Variants in RALGPS1 observed in about 807,000 individuals in gnomAD.
RALGPS1 encodes ras-specific guanine nucleotide-releasing factor RalGPS1.
Under a neutral mutation model 78.8 loss-of-function variants are expected in RALGPS1, and 19 were observed. The ratio of observed to expected loss-of-function variants is 0.24; its 90% CI spans 0.17 to 0.35. The LOEUF (loss-of-function observed/expected upper bound fraction) is 0.35, where lower values mean the gene tolerates loss of function less well. Among genes scored for constraint, RALGPS1 ranks in the 10% least tolerant of loss-of-function variants. The pLI is 1.00. For synonymous variants in RALGPS1, 228 were observed against 256.3 expected (o/e 0.89, Z 1.06); for missense variants, 454 against 688.3 (o/e 0.66, Z 3.81).
At chr9:127,078,289 C>T (rs1211706745) in intron 8 of RALGPS1, among the ~76,000 whole-genome samples, 1 of 152,104 alleles carries the variant, frequency 6.6e-6, no homozygotes, top group Non-Finnish European at 1.5e-5. Flanking sequence ...TTGCAATCTC[C>T]GGATTTGTTA....
intron 4 of RALGPS1, among the ~76,000 whole-genome samples, chr9:127,012,743 G>A (rs1209332126): frequency 6.6e-6 from 1 of 152,196 alleles, no homozygotes. Context: ...AATGTAATTA[G>A]AGGATAATTC....
intron 4 of RALGPS1, among the ~76,000 whole-genome samples, chr9:127,002,689 A>G (rs1443036972): frequency 3.4e-5 from 5 of 147,876 alleles, no homozygotes; most frequent in Admixed American, 2.8e-4. Context: ...GAGCGAGAAT[A>G]TGTGGTGTTT....
At position 127,081,638 on chromosome 9, in the gene RALGPS1, G is replaced by A. The variant is rs112408371; in HGVS notation, c.610+12282G>A. On this transcript the variant is annotated intron_variant, in intron 8 of 18. Transcript: ENST00000259351. ...TCCCTCCACATTAACTATCCTTCTA[G>A]GCTCTGGGCCATTCCCAGCTCTGTT... Among the ~76,000 whole-genome samples, 695 of 152,356 alleles carry A rather than the reference G, an allele frequency of 4.6e-3. 5 individuals are homozygous for A. Among genetic ancestry groups the A allele is most frequent in the African/African-American group, 0.016 (653 of 41,588 alleles).
intron 8 of RALGPS1, among the ~76,000 whole-genome samples, chr9:127,147,683 G>C (rs1291076190): frequency 6.6e-6 from 1 of 152,186 alleles, no homozygotes; most frequent in African/African-American, 2.4e-5. Flanking sequence ...AGATCAGATG[G>C]TTGTAGGTGT....
intron 11 of RALGPS1, among the ~76,000 whole-genome samples, chr9:127,179,345 C>G (rs1341637354): frequency 6.6e-6 from 1 of 152,134 alleles, no homozygotes; most frequent in Non-Finnish European, 1.5e-5. Context: ...GGCCTGGGGT[C>G]CTGGGAAGGG....
rs2062701559 is a variant in RALGPS1 at position 127,218,916 on chromosome 9, A to G, written c.*147A>G. The G allele has an allele frequency of 4.6e-6, 4 of 878,558 alleles. No individual in the cohort carries two copies. The highest frequency in any genetic ancestry group is 7.5e-6 in the Non-Finnish European group (4 of 533,244). 54.4% of individuals were successfully genotyped at this position (878,558 alleles called of 1,614,324 possible). On this transcript the variant is annotated 3_prime_UTR_variant, in exon 19 of 19. Coordinates refer to ENST00000259351, the MANE Select transcript of RALGPS1 (RefSeq NM_014636.3). This position sits in a 1 kb window ranked among gnomAD's most constrained non-coding sequence, Gnocchi z 4.4. ...AGGGGACACGGCCTGTGGCCTCACCATCCCAGAGGGCTTCACCAGTGTGGG... is the reference window on the plus strand; with the variant it reads ...AGGGGACACGGCCTGTGGCCTCACCGTCCCAGAGGGCTTCACCAGTGTGGG...
intron 3 of RALGPS1, among the ~76,000 whole-genome samples, chr9:126,970,965 C>T (rs926075553): frequency 3.3e-5 from 5 of 151,800 alleles, no homozygotes; most frequent in African/African-American, 9.7e-5. Context: ...ATCAGAAATA[C>T]AAAAATCTCA....
chr9:127,059,000 C>A (rs1272775759), intron 7 of RALGPS1, among the ~76,000 whole-genome samples: 1 of 152,042 alleles, frequency 6.6e-6, no homozygotes, highest in African/African-American at 2.4e-5. Context: ...GGGGAACTAT[C>A]CTGGGAGTGG....
chr9:127,005,080 C>T (rs748525929), intron 4 of RALGPS1, among the ~76,000 whole-genome samples: 11 of 152,238 alleles, frequency 7.2e-5, no homozygotes, highest in Non-Finnish European at 1.3e-4. Context: ...TTAAGCAGTT[C>T]CTGTGTCAAG....
At chr9:127,165,934 AT>A (rs1442676323) in intron 8 of RALGPS1, 134 bp from the exon 9 acceptor site, 7 of 1,320,552 alleles carry the variant, frequency 5.3e-6, no homozygotes, top group Non-Finnish European at 6.9e-6. Flanking sequence ...CAGGATTGGA[AT>A]TAAAGTCCAA....
At position 127,098,773 on chromosome 9, in the gene RALGPS1, C is replaced by G. The variant is rs537511486; in HGVS notation, c.610+29417C>G. On this transcript the variant is annotated intron_variant, in intron 8 of 18. Coordinates refer to ENST00000259351, the MANE Select transcript of RALGPS1 (RefSeq NM_014636.3). ...ATGGCTGATACAGTGCTTGCTACTCCCAACACAGGGCCTTTCTGGTCAAGC... is the reference window on the plus strand; with the variant it reads ...ATGGCTGATACAGTGCTTGCTACTCGCAACACAGGGCCTTTCTGGTCAAGC... Among the ~76,000 whole-genome samples the G allele has an allele frequency of 3.3e-5, 5 of 152,228 alleles. No homozygotes were observed. In the East Asian group the frequency reaches 9.7e-4, roughly 29 times the overall value.
At chr9:126,991,319 G>A (rs77460811) in intron 4 of RALGPS1, among the ~76,000 whole-genome samples, 1,895 of 152,276 alleles carry the variant, frequency 0.012, 44 homozygotes, top group African/African-American at 0.044. Context: ...TGGGGCAGGA[G>A]TCTGAACTGG....
intron 1 of RALGPS1, among the ~76,000 whole-genome samples, chr9:126,932,638 A>G (rs749354475): frequency 6.6e-6 from 1 of 152,224 alleles, no homozygotes; most frequent in Non-Finnish European, 1.5e-5. Flanking sequence ...ACAGATAGAA[A>G]AGGTTATAGA....
intron 10 of RALGPS1, among the ~76,000 whole-genome samples, 193 bp from the exon 11 acceptor site, chr9:127,174,522 C>T (rs2059745029): frequency 6.6e-6 from 1 of 152,158 alleles, no homozygotes; most frequent in South Asian, 2.1e-4. Flanking sequence ...AACTCCTTTT[C>T]ACTTTGTCTT....
At chr9:126,999,157 T>TA (rs1434367872) in intron 4 of RALGPS1, among the ~76,000 whole-genome samples, 3 of 148,166 alleles carry the variant, frequency 2.0e-5, no homozygotes, top group Admixed American at 2.0e-4. Flanking sequence ...CCCTAAAACT[T>TA]AAAGTATAAT....
At chr9:127,154,536 A>G (rs1197899584) in intron 8 of RALGPS1, among the ~76,000 whole-genome samples, 1 of 152,246 alleles carries the variant, frequency 6.6e-6, no homozygotes, top group Non-Finnish European at 1.5e-5. Context: ...CAAAATCAGT[A>G]AAGAATTTAC....
intron 8 of RALGPS1, among the ~76,000 whole-genome samples, chr9:127,136,093 G>A (rs2057374233): frequency 6.6e-6 from 1 of 152,206 alleles, no homozygotes; most frequent in East Asian, 1.9e-4. Flanking sequence ...CAATAAAGTA[G>A]TAACGACTTC....
chr9:126,941,022 A>G (rs1178250144), intron 1 of RALGPS1, among the ~76,000 whole-genome samples: 1 of 152,200 alleles, frequency 6.6e-6, no homozygotes, highest in Admixed American at 6.5e-5. Flanking sequence ...AGTGATATTA[A>G]CAGTTTAGTG....
intron 8 of RALGPS1, among the ~76,000 whole-genome samples, chr9:127,072,758 T>A (rs548978532): frequency 3.3e-5 from 5 of 152,244 alleles, no homozygotes; most frequent in African/African-American, 1.2e-4. Context: ...AGTCCCCTTA[T>A]ATTTCTAGTA....
Sources: allele counts gnomAD v4.1 joint callset (sites outside exome capture counted in the v4.1 genomes callset), GRCh38; gene constraint gnomAD v4.1.1; non-coding constraint Gnocchi (gnomAD v3.1); transcripts MANE v1.5; gene names NCBI Gene and HGNC (gene_info 2026-07-23, HGNC 2026-07-21).